TLX1: variants seen among roughly 807,000 people sequenced by gnomAD.
The protein encoded by TLX1 is T-cell leukemia homeobox protein 1.
A neutral mutation model predicts 26.5 loss-of-function variants in TLX1; 6 were observed. That is an observed-to-expected ratio of 0.23 (90% CI 0.12 to 0.45). The LOEUF (loss-of-function observed/expected upper bound fraction) is 0.45, where lower values mean the gene tolerates loss of function less well. TLX1 is among the 20% of genes least tolerant of loss of function. The pLI, the probability that TLX1 is intolerant of heterozygous loss-of-function variation, is 0.99. For missense variants in TLX1, 418 were observed against 482.6 expected (o/e 0.87, Z 1.25); for synonymous variants, 217 against 219.7 (o/e 0.99, Z 0.11).
In TLX1 at chr10:101,131,771, G is replaced by C. The variant is rs907653930; in HGVS notation, c.230G>C (p.Gly77Ala). 7.2e-7 allele frequency: 1 copy of C among 1,394,836 alleles called. No individual in the cohort carries two copies. The highest frequency in any genetic ancestry group is 1.5e-5 in the African/African-American group (1 of 65,532). 86.4% of individuals were successfully genotyped at this position (1,394,836 alleles called of 1,614,324 possible). ...GAGGAGAYGTGGPGGPGGPAG... is the reference protein window; with the variant it reads ...GAGGAGAYGTAGPGGPGGPAG... ...GGAGGAGCGGGGGCCTATGGTACTGGAGGTCCCGGCGGCCCCGGAGGCCCG... is the reference window on the plus strand; with the variant it reads ...GGAGGAGCGGGGGCCTATGGTACTGCAGGTCCCGGCGGCCCCGGAGGCCCG... The change falls in exon 1 of 3, where the codon GGA becomes GCA. Residue 77 changes from glycine (G) to alanine (A), a missense_variant. Coordinates refer to ENST00000370196, the MANE Select transcript of TLX1 (RefSeq NM_005521.4).
chr10:101,137,068 C>T lies in TLX1; in HGVS notation c.*155C>T. ...CGAAGGGCCCCCACATTTGTGCCGA[C>T]ACTGTTCTCCCTTCGGTGGAAGAGC... On this transcript the variant is annotated 3_prime_UTR_variant, in exon 3 of 3. Transcript: ENST00000370196. 2.0e-6 allele frequency: 2 copies of T among 983,440 alleles called. No homozygotes were observed. Among genetic ancestry groups the T allele is most frequent in the Non-Finnish European group, 2.9e-6 (2 of 684,284 alleles). 60.9% of individuals were successfully genotyped at this position (983,440 alleles called of 1,614,324 possible). A position where few individuals can be genotyped will look rare whatever the true frequency, so the allele number is the denominator to read the frequency against.
Position 101,131,806 on chromosome 10 carries a change from G to A in TLX1, c.265G>A (p.Gly89Ser), listed in dbSNP as rs867078365. 7.2e-7 allele frequency: 1 copy of A among 1,389,532 alleles called. No homozygotes were observed. 86.1% of individuals were successfully genotyped at this position (1,389,532 alleles called of 1,614,324 possible). A position where few individuals can be genotyped will look rare whatever the true frequency, so the allele number is the denominator to read the frequency against. ...CGGCCCCGGAGGCCCGGCAGGCGGC[G>A]GCGGCGCCTGCAGCATGGGTCCTCT... ...PGGPGGPAGG[G>S]GACSMGPLTG... The change falls in exon 1 of 3, where the codon GGC becomes AGC. Residue 89 changes from glycine (G) to serine (S), a missense_variant. Gly to Ser is a moderately conservative substitution (Grantham distance 56). Transcript: ENST00000370196.
chr10:101,131,980 C>A lies in TLX1; in HGVS notation c.439C>A (p.Pro147Thr). The change falls in exon 1 of 3, where the codon CCC becomes ACC. Residue 147 changes from proline to threonine, a missense_variant. Transcript: ENST00000370196. Reference sequence around the variant, plus strand: ...GCCGCTCGCCGGAGCCGTGGCCCACCCCCAGCCCCTGGCCACCGGCTTGCC... The same window carrying A: ...GCCGCTCGCCGGAGCCGTGGCCCACACCCAGCCCCTGGCCACCGGCTTGCC... ...HRPLAGAVAH[P>T]QPLATGLPTV... is the part of the protein sequence containing the mutation. 6.6e-7 allele frequency: 1 copy of A among 1,521,228 alleles called. No homozygotes were observed. The highest frequency in any genetic ancestry group is 8.8e-7 in the Non-Finnish European group (1 of 1,142,316). 94.2% of individuals were successfully genotyped at this position (1,521,228 alleles called of 1,614,324 possible).
In TLX1 at chr10:101,131,569, C is replaced by T; in HGVS notation, c.28C>T (p.His10Tyr). Residue 10 changes from histidine (H) to tyrosine (Y), a missense_variant, in exon 1 of 3, where the codon CAC (histidine) becomes TAC (tyrosine). Around this residue, in one of 3 missense-constraint regions of TLX1, gnomAD observed 322 missense variants for 344.6 expected, o/e 0.93. Coordinates refer to ENST00000370196, the MANE Select transcript of TLX1 (RefSeq NM_005521.4). ...GGAGCACCTGGGTCCGCACCACCTC[C>T]ACCCGGGTCACGCAGAGCCCATTAG... MEHLGPHHL[H>Y]PGHAEPISFG... is the part of the protein sequence containing the mutation. 6.5e-7 allele frequency: 1 copy of T among 1,541,658 alleles called. No homozygotes were observed. The highest frequency in any genetic ancestry group is 2.6e-5 in the East Asian group (1 of 37,992).
At position 101,131,690 on chromosome 10, in the gene TLX1, T is replaced by C. The variant is rs775152441; in HGVS notation, c.149T>C (p.Leu50Ser). The change falls in exon 1 of 3, where the codon TTG (leucine) becomes TCG (serine). Residue 50 changes from leucine to serine, a missense_variant. Leu to Ser is a moderately radical substitution (Grantham distance 145, BLOSUM62 -2). Coordinates refer to ENST00000370196, the MANE Select transcript of TLX1 (RefSeq NM_005521.4). ...GACGGAGAATACGGCCTTGGCTGCT[T>C]GGTCGGAGGCGCCTACACTTACGGC... ...LQDGEYGLGC[L>S]VGGAYTYGGG... 1.3e-6 allele frequency: 2 copies of C among 1,530,094 alleles called. No individual in the cohort carries two copies. Among genetic ancestry groups the C allele is most frequent in the African/African-American group, 2.9e-5 (2 of 69,210 alleles). 94.8% of individuals were successfully genotyped at this position (1,530,094 alleles called of 1,614,324 possible). A position where few individuals can be genotyped will look rare whatever the true frequency, so the allele number is the denominator to read the frequency against.
rs1940316450 is a variant in TLX1, at chr10:101,137,228, G to A, written c.*315G>A. 2.0e-5 allele frequency: 8 copies of A among 393,764 alleles called. No individual in the cohort carries two copies. In the South Asian group the frequency reaches 2.6e-4, roughly 13 times the overall value. The allele number at this position is 393,764 out of a possible 1,614,324, so 24.4% of individuals were successfully genotyped here. A position where few individuals can be genotyped will look rare whatever the true frequency, so the allele number is the denominator to read the frequency against. ...TTCAGAGAAAGGCAAGGGAGGTAAG[G>A]GAGGAGGAGCTTCTGGGGTCCCCAG... On this transcript the variant is annotated 3_prime_UTR_variant, in exon 3 of 3. Coordinates refer to ENST00000370196, the MANE Select transcript of TLX1 (RefSeq NM_005521.4).
chr10:101,132,363 G>T lies in TLX1; in HGVS notation c.568+254G>T, dbSNP rs906948113. ...GGAGCTCTCCCTGGTCCCCTCTCCG[G>T]ATCCACTAGCCGGGTCAGGCAGAGA... On this transcript the variant is annotated intron_variant, in intron 1 of 2. Transcript: ENST00000370196. The surrounding 1 kb of genome is among the most constrained non-coding windows in gnomAD (Gnocchi z 4.1). 6.6e-6 allele frequency among the ~76,000 whole-genome samples: 1 copy of T among 152,214 alleles called. No individual in the cohort carries two copies. Among genetic ancestry groups the T allele is most frequent in the Admixed American group, 6.5e-5 (1 of 15,282 alleles).
intron 1 of TLX1, among the ~76,000 whole-genome samples, chr10:101,133,392 G>A (rs928925882): frequency 1.6e-4 from 25 of 152,226 alleles, no homozygotes; most frequent in Non-Finnish European, 2.9e-5. Context: ...TAGGCCTCAG[G>A]AAGGGCCCTC....
intron 2 of TLX1, among the ~76,000 whole-genome samples, chr10:101,134,822 C>G (rs1183172766): frequency 6.6e-6 from 1 of 152,244 alleles, no homozygotes; most frequent in Non-Finnish European, 1.5e-5. Context: ...GCCGGGCTCC[C>G]GGCAGAGGGT....
rs930036609 is a variant in TLX1, at chr10:101,131,498, A to G, written c.-44A>G. On this transcript the variant is annotated 5_prime_UTR_variant, in exon 1 of 3. Transcript: ENST00000370196. The stretch of plus-strand genomic sequence containing the variant: ...GCTAGCTGCCCCCCGAGCCGAGCGC[A>G]GCGAGCGCCGCCGCCCGGGCCCCCC... The G allele has an allele frequency of 1.1e-5, 15 of 1,387,796 alleles. No individual in the cohort carries two copies. The highest frequency in any genetic ancestry group is 1.4e-5 in the Non-Finnish European group (15 of 1,070,906). 86.0% of individuals were successfully genotyped at this position (1,387,796 alleles called of 1,614,324 possible). A position where few individuals can be genotyped will look rare whatever the true frequency, so the allele number is the denominator to read the frequency against.
chr10:101,131,836 G>A lies in TLX1; in HGVS notation c.295G>A (p.Gly99Ser), dbSNP rs768417758. ...CGCCTGCAGCATGGGTCCTCTGACC[G>A]GCTCCTACAACGTGAACATGGCCTT... ...GGACSMGPLT[G>S]SYNVNMALAG... The change falls in exon 1 of 3, where the codon GGC becomes AGC. Residue 99 changes from glycine (G) to serine (S), a missense_variant. This residue lies in a region of TLX1 where 322 missense variants were observed against 344.6 expected (regional missense o/e 0.93). Transcript: ENST00000370196. 9 of 1,408,846 alleles carry A rather than the reference G, an allele frequency of 6.4e-6. No homozygotes were observed. In the African/African-American group the frequency reaches 1.2e-4, roughly 19 times the overall value. The allele number at this position is 1,408,846 out of a possible 1,614,324, so 87.3% of individuals were successfully genotyped here.
chr10:101,134,293 C>G lies in TLX1; in HGVS notation c.687C>G (p.Ala229=). The G allele has an allele frequency of 6.2e-7, 1 of 1,612,450 alleles. No homozygotes were observed. Among genetic ancestry groups the G allele is most frequent in the Non-Finnish European group, 8.5e-7 (1 of 1,179,532 alleles). Residue 229 remains alanine (A), a synonymous_variant, in exon 2 of 3, where the codon GCC becomes GCG. Transcript: ENST00000370196. ...ACCGCCAGAAGTACCTGGCCTCGGC[C>G]GAGCGCGCCGCCCTGGCCAAGGCGC... The part of the protein sequence containing the change: ...RFHRQKYLAS[A]ERAALAKALK...
chr10:101,134,508 C>A, intron 2 of TLX1, 132 bp downstream of exon 2: 1 of 1,072,052 alleles, frequency 9.3e-7, no homozygotes, highest in Non-Finnish European at 1.3e-6. Context: ...AGCGAGCTCC[C>A]GCTAGGCTTG....
At position 101,137,113 on chromosome 10, in the gene TLX1, G is replaced by A. The variant is rs543402789; in HGVS notation, c.*200G>A. On this transcript the variant is annotated 3_prime_UTR_variant, in exon 3 of 3. Transcript: ENST00000370196. ...AAGAGCTCAAGGGACAAGGACACGC[G>A]CCCCCCTCCCAGAGGCGTCCCGCAC... is the stretch of plus-strand genomic sequence containing the variant. 2.6e-5 allele frequency: 17 copies of A among 655,682 alleles called. No individual in the cohort carries two copies. The highest frequency in any genetic ancestry group is 1.6e-4 in the South Asian group (8 of 50,514). 40.6% of individuals were successfully genotyped at this position (655,682 alleles called of 1,614,324 possible).
At chr10:101,134,805 C>A (rs529933712) in intron 2 of TLX1, among the ~76,000 whole-genome samples, 108 of 152,370 alleles carry the variant, frequency 7.1e-4, no homozygotes, top group African/African-American at 2.4e-3. Flanking sequence ...CTTGTTGCAG[C>A]GCTCCAGCCG....
Position 101,131,332 on chromosome 10 carries a change from G to A in TLX1, c.-210G>A, listed in dbSNP as rs1018575610. The A allele has an allele frequency of 4.7e-6, 2 of 421,624 alleles. No individual in the cohort carries two copies. Among genetic ancestry groups the A allele is most frequent in the Non-Finnish European group, 8.2e-6 (2 of 242,650 alleles). 26.1% of individuals were successfully genotyped at this position (421,624 alleles called of 1,614,324 possible). On this transcript the variant is annotated 5_prime_UTR_variant, in exon 1 of 3. Transcript: ENST00000370196. ...CAGAGTCAACAGCGAGCGAGCAGCC[G>A]GAGCGGGGAAGCAGAAGCCAGAGAG...
Position 101,137,758 on chromosome 10 carries a change from G to GA in TLX1, c.*852dup, listed in dbSNP as rs1346035617. 33 of 221,194 alleles carry GA rather than the reference G, an allele frequency of 1.5e-4. No homozygotes were observed. Among genetic ancestry groups the GA allele is most frequent in the Non-Finnish European group, 5.4e-5 (6 of 110,330 alleles). 13.7% of individuals were successfully genotyped at this position (221,194 alleles called of 1,614,324 possible). On this transcript the variant is annotated 3_prime_UTR_variant, in exon 3 of 3. Coordinates refer to ENST00000370196, the MANE Select transcript of TLX1 (RefSeq NM_005521.4). The stretch of plus-strand genomic sequence containing the variant: ...TATAAAGTGCTTGTGTAATTTATGT[G>GA]AAAAAAATAAATAAAAGCCTCCGGA...
intron 2 of TLX1, 57 bp downstream of exon 2, chr10:101,134,433 G>C (rs1189502476): frequency 2.1e-5 from 31 of 1,458,998 alleles, no homozygotes; most frequent in Non-Finnish European, 2.8e-5. Flanking sequence ...GGCAGCTCTC[G>C]GTTCATTGGC....
intron 2 of TLX1, among the ~76,000 whole-genome samples, chr10:101,134,834 T>C (rs892669325): frequency 6.6e-6 from 1 of 152,268 alleles, no homozygotes; most frequent in African/African-American, 2.4e-5. Flanking sequence ...GCAGAGGGTC[T>C]GTGGCCCCAG....
Sources: gnomAD v4.1 joint callset for allele counts (sites outside exome capture counted in the v4.1 genomes callset) on GRCh38, gnomAD v4.1.1 for gene constraint, gnomAD v4.1.1 regional missense constraint, Gnocchi (gnomAD v3.1) non-coding constraint, MANE v1.5 for transcripts, NCBI Gene and HGNC (gene_info 2026-07-23, HGNC 2026-07-21) for gene names.